Variants in PHF3 observed in about 807,000 individuals in gnomAD.
The protein encoded by PHF3 is PHD finger protein 3.
A neutral mutation model predicts 178.4 loss-of-function variants in PHF3; 41 were observed. That is an observed-to-expected ratio of 0.23 (90% CI 0.18 to 0.30). The LOEUF is 0.30. PHF3 is among the 10% of genes least tolerant of loss of function. PHF3 has a pLI of 1.00. For missense variants in PHF3, 2,346 were observed against 2,398.1 expected (o/e 0.98, Z 0.45); for synonymous variants, 842 against 800.5 (o/e 1.05, Z -0.88).
intron 4 of PHF3, among the ~76,000 whole-genome samples, chr6:63,689,407 A>G (rs891430044): frequency 6.6e-6 from 1 of 152,168 alleles, no homozygotes; most frequent in Non-Finnish European, 1.5e-5. Flanking sequence ...TAGAAAATGG[A>G]TTTATAGCTT....
Position 63,712,316 on chromosome 6 carries a change from A to C in PHF3, c.4728A>C (p.Leu1576Phe). The C allele has an allele frequency of 6.2e-7, 1 of 1,613,198 alleles. No homozygotes were observed. The highest frequency in any genetic ancestry group is 8.5e-7 in the Non-Finnish European group (1 of 1,179,746). The change falls in exon 16 of 16, where the codon TTA becomes TTC. Residue 1576 changes from leucine to phenylalanine, a missense_variant. Leu to Phe is a conservative substitution (Grantham distance 22). This residue lies in a region of PHF3 where 839 missense variants were observed against 806.9 expected (regional missense o/e 1.04). Coordinates refer to ENST00000262043, the MANE Select transcript of PHF3 (RefSeq NM_001370348.2). ...DVSTEAFLTNLSIQSKQEETV... is the reference protein window; with the variant it reads ...DVSTEAFLTNFSIQSKQEETV... ...CTACAGAAGCATTTTTAACAAATTT[A>C]TCAATTCAGTCAAAACAAGAGGAAA...
chr6:63,649,414 A>G (rs925856708), intron 2 of PHF3, among the ~76,000 whole-genome samples: 1 of 152,190 alleles, frequency 6.6e-6, no homozygotes, highest in Non-Finnish European at 1.5e-5. Flanking sequence ...TAAGCAGGGA[A>G]ATAATCCTAT....
chr6:63,665,961 T>C (rs1765664155), intron 2 of PHF3, among the ~76,000 whole-genome samples: 1 of 152,214 alleles, frequency 6.6e-6, no homozygotes, highest in Non-Finnish European at 1.5e-5. Flanking sequence ...TCCTTTTGGA[T>C]AAATTGACTG....
At chr6:63,667,933 T>C (rs1765748557) in intron 2 of PHF3, among the ~76,000 whole-genome samples, 1 of 152,216 alleles carries the variant, frequency 6.6e-6, no homozygotes, top group Admixed American at 6.5e-5. Context: ...ATTGGATTAC[T>C]GGGTTAAGGT....
In PHF3 at chr6:63,711,851, T is replaced by C; in HGVS notation, c.4263T>C (p.Leu1421=). ...NKPQQNLQED[L]PTAVEPLMEV... is the part of the protein sequence containing the mutation. The stretch of plus-strand genomic sequence containing the variant: ...CTCAGCAGAATCTTCAGGAAGACCT[T>C]CCAACAGCAGTTGAACCTTTAATGG... Residue 1421 remains leucine (L), a synonymous_variant, in exon 16 of 16, where the codon CTT becomes CTC. Coordinates refer to ENST00000262043, the MANE Select transcript of PHF3 (RefSeq NM_001370348.2). 1.2e-6 allele frequency: 2 copies of C among 1,614,042 alleles called. No homozygotes were observed. The highest frequency in any genetic ancestry group is 1.6e-4 in the Middle Eastern group (1 of 6,062).
chr6:63,679,976 A>G, intron 2 of PHF3, 24 bp from the exon 3 acceptor site: 1 of 1,595,740 alleles, frequency 6.3e-7, no homozygotes, highest in Non-Finnish European at 8.6e-7. Context: ...TTTAAAAGTT[A>G]ATTTTTTTGT....
At chr6:63,695,396 C>T (rs1357790171) in intron 6 of PHF3, among the ~76,000 whole-genome samples, 1 of 152,174 alleles carries the variant, frequency 6.6e-6, no homozygotes, top group Non-Finnish European at 1.5e-5. Context: ...GTTCCTCTCC[C>T]TGTCTTTCAG....
At chr6:63,709,811 T>G (rs1767850931) in intron 14 of PHF3, among the ~76,000 whole-genome samples, 2 of 152,132 alleles carry the variant, frequency 1.3e-5, no homozygotes, top group Admixed American at 6.5e-5. Flanking sequence ...TGTGCCCAGC[T>G]AAAAGTTAAG....
intron 1 of PHF3, among the ~76,000 whole-genome samples, chr6:63,641,373 C>T (rs1296105495): frequency 2.6e-5 from 4 of 151,998 alleles, no homozygotes; most frequent in East Asian, 1.9e-4. Flanking sequence ...TTTTCTTGAG[C>T]GATATTAGTC....
intron 8 of PHF3, among the ~76,000 whole-genome samples, chr6:63,698,870 T>C (rs1296208377): frequency 6.6e-6 from 1 of 152,146 alleles, no homozygotes; most frequent in Non-Finnish European, 1.5e-5. Context: ...TATAATACAA[T>C]TTATTAAAAA....
intron 2 of PHF3, among the ~76,000 whole-genome samples, chr6:63,652,080 T>C (rs1386853421): frequency 6.6e-6 from 1 of 152,216 alleles, no homozygotes; most frequent in Non-Finnish European, 1.5e-5. Flanking sequence ...CTAGATCATA[T>C]GGTAGTTCTG....
chr6:63,641,915 A>G (rs920133503), intron 1 of PHF3, among the ~76,000 whole-genome samples: 5 of 152,124 alleles, frequency 3.3e-5, no homozygotes, highest in Non-Finnish European at 7.4e-5. Context: ...GGTGTGAGCC[A>G]TGGCGCCCGG....
At position 63,721,913 on chromosome 6, in the gene PHF3, C is replaced by G. The variant is rs1343469260; in HGVS notation, c.*8205C>G. ...AGTTATGGGGAAAAAAGTAACAGATCTTGAGCACAATTGTGTTAGTTTTGT... is the reference window on the plus strand; with the variant it reads ...AGTTATGGGGAAAAAAGTAACAGATGTTGAGCACAATTGTGTTAGTTTTGT... On this transcript the variant is annotated 3_prime_UTR_variant, in exon 16 of 16. Coordinates refer to ENST00000262043, the MANE Select transcript of PHF3 (RefSeq NM_001370348.2). 1.1e-6 allele frequency: 1 copy of G among 895,862 alleles called. No homozygotes were observed. Among genetic ancestry groups the G allele is most frequent in the East Asian group, 2.6e-5 (1 of 37,754 alleles). The allele number at this position is 895,862 out of a possible 1,614,324, so 55.5% of individuals were successfully genotyped here. A position where few individuals can be genotyped will look rare whatever the true frequency, so the allele number is the denominator to read the frequency against.
At chr6:63,657,321 G>A (rs1765276523) in intron 2 of PHF3, among the ~76,000 whole-genome samples, 1 of 152,042 alleles carries the variant, frequency 6.6e-6, no homozygotes, top group African/African-American at 2.4e-5. Flanking sequence ...GGGATTTAGG[G>A]TCACAGAGCC....
Position 63,706,096 on chromosome 6 carries a change from C to T in PHF3, c.3435C>T (p.Arg1145=), listed in dbSNP as rs747672447. ...KKVKVVVGVA[R]KHSDNEAESI... is the part of the protein sequence containing the mutation. ...TAAAAGTTGTTGTAGGAGTAGCTCG[C>T]AAACATTCAGACAATGAAGCAGAAA... Residue 1145 remains arginine (R), a synonymous_variant, in exon 12 of 16, where the codon CGC becomes CGT. Transcript: ENST00000262043. 6 of 1,613,924 alleles carry T rather than the reference C, an allele frequency of 3.7e-6. No individual in the cohort carries two copies. Among genetic ancestry groups the T allele is most frequent in the East Asian group, 2.2e-5 (1 of 44,842 alleles).
intron 2 of PHF3, among the ~76,000 whole-genome samples, chr6:63,656,337 G>A (rs768024116): frequency 1.8e-4 from 28 of 151,982 alleles, no homozygotes; most frequent in Non-Finnish European, 3.2e-4. Flanking sequence ...CTTCATTACT[G>A]TATCTCTGAT....
intron 1 of PHF3, among the ~76,000 whole-genome samples, chr6:63,643,511 GTCT>G (rs572349134): frequency 3.3e-4 from 51 of 152,242 alleles, no homozygotes; most frequent in African/African-American, 1.2e-3. Context: ...TGTGGAAATT[GTCT>G]TCTTTGGACT....
Position 63,673,298 on chromosome 6 carries a change from T to G in PHF3, c.245-6702T>G, listed in dbSNP as rs563559963. ...TATCTGCTTAAGTATTTTTTGTTTTTAAATAAAATTTTCCAGTGTTGCAGA... is the reference window on the plus strand; with the variant it reads ...TATCTGCTTAAGTATTTTTTGTTTTGAAATAAAATTTTCCAGTGTTGCAGA... On this transcript the variant is annotated intron_variant, in intron 2 of 15. Transcript: ENST00000262043. Among the ~76,000 whole-genome samples, 59 of 152,280 alleles carry G rather than the reference T, an allele frequency of 3.9e-4. No homozygotes were observed. The South Asian group carries it at 0.011, about 29-fold the overall frequency.
At position 63,654,976 on chromosome 6, in the gene PHF3, G is replaced by A. The variant is rs186138721; in HGVS notation, c.244+8181G>A. ...TGGTACAATCTCAGCTCACTGCAACGTCCACTTCCCAGGCTCAAGTGATCC... is the reference window on the plus strand; with the variant it reads ...TGGTACAATCTCAGCTCACTGCAACATCCACTTCCCAGGCTCAAGTGATCC... On this transcript the variant is annotated intron_variant, in intron 2 of 15. Transcript: ENST00000262043. 5.7e-5 allele frequency among the ~76,000 whole-genome samples: 8 copies of A among 140,272 alleles called. No homozygotes were observed. The South Asian group carries it at 1.2e-3, about 21-fold the overall frequency. The allele number at this position is 140,272 out of a possible 152,430, so 92.0% of individuals were successfully genotyped here.
Sources: allele counts gnomAD v4.1 joint callset (sites outside exome capture counted in the v4.1 genomes callset), GRCh38; gene constraint gnomAD v4.1.1; regional missense constraint gnomAD v4.1.1; transcripts MANE v1.5; gene names NCBI Gene and HGNC (gene_info 2026-07-23, HGNC 2026-07-21).